Variants in FGF13 observed in about 807,000 individuals in gnomAD.
FGF13 encodes the protein fibroblast growth factor 13, also known as fibroblast growth factor homologous factor 2.
Under a neutral mutation model 19.5 loss-of-function variants are expected in FGF13, and 2 were observed. The ratio of observed to expected loss-of-function variants is 0.10; its 90% confidence interval spans 0.04 to 0.32. FGF13 has a LOEUF of 0.32. Among genes scored for constraint, FGF13 ranks in the 10% least tolerant of loss-of-function variants. The pLI is 1.00. For missense variants in FGF13, 113 were observed against 192.7 expected (o/e 0.59, Z 2.45); for synonymous variants, 72 against 76.9 (o/e 0.94, Z 0.33).
At chrX:139,144,669 A>G (rs1446583205) in intron 1 of FGF13, among the ~76,000 whole-genome samples, 1 of 111,507 alleles carries the variant, frequency 9.0e-6, no homozygotes, top group Non-Finnish European at 1.9e-5. Context: ...AGTTAAGGAA[A>G]GAAATTCCAC....
rs144308773 is a variant in FGF13, at chrX:138,766,289, T to C, written c.218-57361A>G. On this transcript the variant is annotated intron_variant, in intron 3 of 6. Coordinates refer to the FGF13 transcript ENST00000436198. ...ATAGTAGGTGGTCAATAAATGCTTGTTGTATAAATGAATGAATGACTCTGT... is the reference window on the plus strand; with the variant it reads ...ATAGTAGGTGGTCAATAAATGCTTGCTGTATAAATGAATGAATGACTCTGT... Among the ~76,000 whole-genome samples, 950 of 112,241 alleles carry C rather than the reference T, an allele frequency of 8.5e-3. 57 individuals carry two copies. In the East Asian group the frequency reaches 0.2, roughly 23 times the overall value.
At chrX:139,075,245 T>C (rs1387369649) in intron 1 of FGF13, among the ~76,000 whole-genome samples, 1 of 111,600 alleles carries the variant, frequency 9.0e-6, no homozygotes, top group Admixed American at 9.5e-5. Context: ...CATTCTGCTT[T>C]TCTCCACTCC....
intron 1 of FGF13, among the ~76,000 whole-genome samples, chrX:139,019,555 G>C (rs1437802466): frequency 1.8e-5 from 2 of 111,097 alleles, no homozygotes; most frequent in African/African-American, 6.5e-5. Context: ...TAGATATGAA[G>C]GGCTGAACTG....
At chrX:138,743,428 T>C (rs1379538225), upstream of FGF13, among the ~76,000 whole-genome samples, 2 of 111,462 alleles carry the variant, frequency 1.8e-5, no homozygotes, top group Non-Finnish European at 3.8e-5. Context: ...TTTTCAGCAG[T>C]GAAACTCCTC....
chrX:139,204,184 T>A, upstream of FGF13: 1 of 984,340 alleles, frequency 1.0e-6, no homozygotes, highest in Non-Finnish European at 1.4e-6. Context: ...GGAGAGTGCT[T>A]AGGGCGGCAA....
intron 3 of FGF13, among the ~76,000 whole-genome samples, chrX:138,793,030 T>C (rs777795347): frequency 9.0e-6 from 1 of 111,552 alleles, no homozygotes; most frequent in African/African-American, 3.3e-5. Flanking sequence ...ATAGGAATAC[T>C]TAAGACAGAA....
intron 1 of FGF13, among the ~76,000 whole-genome samples, chrX:138,982,569 T>C (rs1265122481): frequency 8.9e-6 from 1 of 112,112 alleles, no homozygotes; most frequent in African/African-American, 3.2e-5. Flanking sequence ...CAGGGATTCA[T>C]AGAGGAAGTT....
intron 3 of FGF13, among the ~76,000 whole-genome samples, chrX:138,792,610 C>T (rs188894243): frequency 1.7e-3 from 193 of 112,221 alleles, no homozygotes; most frequent in African/African-American, 6.2e-3. Context: ...TCTTATACTA[C>T]TTTGTTTCAG....
intron 3 of FGF13, among the ~76,000 whole-genome samples, chrX:138,656,414 C>A (rs12006775): frequency 0.21 from 22,994 of 110,665 alleles, 1,973 homozygotes; most frequent in East Asian, 0.49. Flanking sequence ...ATGTAAATCC[C>A]GTAGGTGTTA....
At chrX:138,822,993 G>C (rs964571300) in intron 3 of FGF13, among the ~76,000 whole-genome samples, 1 of 111,616 alleles carries the variant, frequency 9.0e-6, no homozygotes, top group African/African-American at 3.3e-5. Flanking sequence ...GTGGAGATGA[G>C]GAAAGTGTCA....
At chrX:139,144,552 C>A (rs1167683458) in intron 1 of FGF13, among the ~76,000 whole-genome samples, 1 of 107,710 alleles carries the variant, frequency 9.3e-6, no homozygotes, top group Non-Finnish European at 1.9e-5. Flanking sequence ...CCTTCCTGGT[C>A]TCCCTGCCCA....
chrX:139,082,036 C>A (rs1603189047), intron 1 of FGF13, among the ~76,000 whole-genome samples: 1 of 111,251 alleles, frequency 9.0e-6, no homozygotes, highest in East Asian at 2.8e-4. Flanking sequence ...GATTGCTTCC[C>A]CCGATCTTTA....
At chrX:139,160,024 C>G (rs1487142348) in intron 1 of FGF13, among the ~76,000 whole-genome samples, 9 of 111,911 alleles carry the variant, frequency 8.0e-5, no homozygotes, top group Non-Finnish European at 3.8e-5. Context: ...CACCCCAAAT[C>G]AACAGAAGAT....
chrX:138,974,438 G>T (rs1250444172), intron 1 of FGF13, among the ~76,000 whole-genome samples: 1 of 111,203 alleles, frequency 9.0e-6, no homozygotes, highest in Non-Finnish European at 1.9e-5. Context: ...AGCCTACAAG[G>T]ATCCCCTGAC....
intron 1 of FGF13, among the ~76,000 whole-genome samples, chrX:139,116,980 A>G (rs1368108945): frequency 1.8e-5 from 2 of 111,661 alleles, no homozygotes; most frequent in Non-Finnish European, 3.8e-5. Flanking sequence ...GACATGAGGA[A>G]TAGCCAAGCT....
chrX:139,091,910 G>A (rs1409046171), intron 1 of FGF13, among the ~76,000 whole-genome samples: 1 of 110,157 alleles, frequency 9.1e-6, no homozygotes, highest in Non-Finnish European at 1.9e-5. Flanking sequence ...TTCCTTAGCT[G>A]TCGTAGTCTG....
chrX:138,894,760 T>A (rs892574471), intron 1 of FGF13, among the ~76,000 whole-genome samples: 42 of 111,542 alleles, frequency 3.8e-4, no homozygotes, highest in African/African-American at 1.3e-3. Flanking sequence ...CCATTCCTTC[T>A]GAAACTATTC....
intron 1 of FGF13, among the ~76,000 whole-genome samples, chrX:138,976,085 C>T (rs757626960): frequency 1.3e-3 from 148 of 111,699 alleles, no homozygotes; most frequent in Non-Finnish European, 1.8e-3. Flanking sequence ...GTCTGGTCTT[C>T]TGACACTGCA....
In FGF13 at chrX:138,985,223, A is replaced by G. The variant is rs957288536; in HGVS notation, c.-112-120573T>C. The G allele has an allele frequency of 4.9e-5, 12 of 244,217 alleles. No individual in the cohort carries two copies. In the Admixed American group the frequency reaches 6.5e-4, roughly 13 times the overall value. The allele number at this position is 244,217 out of a possible 1,213,427, so 20.1% of individuals were successfully genotyped here. A position where few individuals can be genotyped will look rare whatever the true frequency, so the allele number is the denominator to read the frequency against. On this transcript the variant is annotated intron_variant, in intron 1 of 2. Transcript: ENST00000421460. Reference sequence around the variant, plus strand: ...AATGTTTCGCAGATTTACAGAAAGGAACTGATGTCCTGGATTTTGGTTTTG... The same window carrying G: ...AATGTTTCGCAGATTTACAGAAAGGGACTGATGTCCTGGATTTTGGTTTTG...
Sources: gnomAD v4.1 joint callset for allele counts (sites outside exome capture counted in the v4.1 genomes callset) on GRCh38, gnomAD v4.1.1 for gene constraint, MANE v1.5 for transcripts, NCBI Gene and HGNC (gene_info 2026-07-23, HGNC 2026-07-21) for gene names.